Variants in CNTN4 observed in about 807,000 individuals in gnomAD.
CNTN4 encodes contactin 4, also known as contactin-4.
A neutral mutation model predicts 122.5 loss-of-function variants in CNTN4; 77 were observed. That is an observed-to-expected ratio of 0.63 (90% CI 0.52 to 0.76). The LOEUF (loss-of-function observed/expected upper bound fraction) is 0.76, where lower values mean the gene tolerates loss of function less well. Ranked by LOEUF, CNTN4 falls within the 30% of genes least tolerant of loss-of-function variation. The pLI is 0.00. For synonymous variants in CNTN4, 512 were observed against 447.0 expected (o/e 1.15, Z -1.83); for missense variants, 1,256 against 1,259.1 (o/e 1.00, Z 0.04).
At chr3:2,929,069 T>C (rs1286848265) in intron 13 of CNTN4, among the ~76,000 whole-genome samples, 1 of 152,244 alleles carries the variant, frequency 6.6e-6, no homozygotes, top group Non-Finnish European at 1.5e-5. Flanking sequence ...GTCAAGTAAT[T>C]TCATAGCATT....
intron 6 of CNTN4, among the ~76,000 whole-genome samples, chr3:2,769,322 G>A (rs527927362): frequency 6.6e-6 from 1 of 151,896 alleles, no homozygotes; most frequent in Non-Finnish European, 1.5e-5. Context: ...ACAATTAGTC[G>A]GGCGTGGTGG....
At chr3:2,881,126 A>T (rs2093904202) in intron 8 of CNTN4, among the ~76,000 whole-genome samples, 1 of 152,230 alleles carries the variant, frequency 6.6e-6, no homozygotes, top group Admixed American at 6.5e-5. Flanking sequence ...AGTTAGCTAG[A>T]CTGTAAGTCA....
At chr3:2,137,611 T>C (rs2034759686) in intron 2 of CNTN4, among the ~76,000 whole-genome samples, 1 of 152,208 alleles carries the variant, frequency 6.6e-6, no homozygotes, top group Non-Finnish European at 1.5e-5. Context: ...TTGGAAAGTT[T>C]ATGAACCTTG....
chr3:2,443,271 T>C (rs1366720840), intron 3 of CNTN4, among the ~76,000 whole-genome samples: 1 of 152,144 alleles, frequency 6.6e-6, no homozygotes, highest in Non-Finnish European at 1.5e-5. Context: ...ACATAATTGA[T>C]GAGTTGGTTC....
At chr3:2,567,509 A>G (rs929640419) in intron 3 of CNTN4, among the ~76,000 whole-genome samples, 1 of 152,166 alleles carries the variant, frequency 6.6e-6, no homozygotes, top group Non-Finnish European at 1.5e-5. Flanking sequence ...GCTGTCTTTA[A>G]CAAAGATAGC....
intron 4 of CNTN4, among the ~76,000 whole-genome samples, chr3:2,588,653 C>T (rs1025953080): frequency 6.6e-6 from 1 of 152,064 alleles, no homozygotes; most frequent in African/African-American, 2.4e-5. Context: ...GTGTGAGCCA[C>T]CACGCCTGGC....
Position 2,259,901 on chromosome 3 carries a change from C to T in CNTN4, c.-144-79277C>T, listed in dbSNP as rs566635269. 4.7e-5 allele frequency among the ~76,000 whole-genome samples: 7 copies of T among 150,498 alleles called. No homozygotes were observed. The South Asian group carries it at 1.5e-3, about 31-fold the overall frequency. The stretch of plus-strand genomic sequence containing the variant: ...TATTGTGGGAAGAGCAGATAGTTCT[C>T]CCCATTCCCACTCTTCTTTGTTGTG... On this transcript the variant is annotated intron_variant, in intron 2 of 24. Coordinates refer to ENST00000418658, the MANE Select transcript of CNTN4 (RefSeq NM_175607.3).
At chr3:2,351,247 T>C (rs879720465) in intron 3 of CNTN4, among the ~76,000 whole-genome samples, 2 of 152,070 alleles carry the variant, frequency 1.3e-5, no homozygotes, top group Non-Finnish European at 2.9e-5. Context: ...AGTGAACTCA[T>C]AGAACACCAT....
At chr3:2,935,918 A>T (rs562180140) in intron 13 of CNTN4, among the ~76,000 whole-genome samples, 2 of 152,300 alleles carry the variant, frequency 1.3e-5, no homozygotes, top group African/African-American at 4.8e-5. Context: ...ATTGAGGAGA[A>T]GGTGGTGGTA....
chr3:2,308,834 A>G (rs1469247744), intron 2 of CNTN4, among the ~76,000 whole-genome samples: 1 of 152,042 alleles, frequency 6.6e-6, no homozygotes, highest in African/African-American at 2.4e-5. Context: ...ATATTTCAAT[A>G]TCTCTAAAAT....
Position 3,034,641 on chromosome 3 carries a change from G to T in CNTN4, c.1793G>T (p.Gly598Val), listed in dbSNP as rs1699443263. ...AADLIVRGPPGPPEAVTIDEI... is the reference protein window; with the variant it reads ...AADLIVRGPPVPPEAVTIDEI... ...TCTTGCTCTTTCCCAGGTCCTCCAG[G>T]TCCCCCAGAGGCTGTGACAATAGAC... The change falls in exon 17 of 25, where the codon GGT becomes GTT. Residue 598 changes from glycine to valine, a missense_variant. Coordinates refer to ENST00000418658, the MANE Select transcript of CNTN4 (RefSeq NM_175607.3). 1 of 1,614,036 alleles carries T rather than the reference G, an allele frequency of 6.2e-7. No individual in the cohort carries two copies. Among genetic ancestry groups the T allele is most frequent in the South Asian group, 1.1e-5 (1 of 91,064 alleles).
intron 2 of CNTN4, among the ~76,000 whole-genome samples, chr3:2,159,031 G>T (rs972078099): frequency 6.6e-6 from 1 of 152,000 alleles, no homozygotes. Context: ...TTGGAATCCC[G>T]AGAGGCAGCG....
intron 4 of CNTN4, among the ~76,000 whole-genome samples, chr3:2,717,051 T>C (rs547357571): frequency 2.6e-5 from 4 of 152,342 alleles, no homozygotes; most frequent in South Asian, 2.1e-4. Context: ...CTTTTGGCTA[T>C]TATTAATAAT....
chr3:2,937,787 A>G (rs1499137), intron 13 of CNTN4, among the ~76,000 whole-genome samples: 105,297 of 152,046 alleles, frequency 0.69, 36,722 homozygotes, highest in Middle Eastern at 0.85. Flanking sequence ...GCCAAAATCG[A>G]CTTCCAACAG....
intron 4 of CNTN4, among the ~76,000 whole-genome samples, chr3:2,594,546 G>T (rs1263756041): frequency 2.6e-5 from 4 of 151,444 alleles, no homozygotes; most frequent in Non-Finnish European, 5.9e-5. Flanking sequence ...AGCCTCCCGA[G>T]TAGCTGGGTT....
chr3:2,742,434 G>A (rs1368658269), intron 5 of CNTN4, among the ~76,000 whole-genome samples: 1 of 152,158 alleles, frequency 6.6e-6, no homozygotes, highest in Non-Finnish European at 1.5e-5. Context: ...TCACTTGGTC[G>A]GAGTACTTTT....
chr3:3,037,363 G>A lies in CNTN4; in HGVS notation c.2092+35G>A, dbSNP rs774953734. The A allele has an allele frequency of 1.2e-5, 20 of 1,613,774 alleles. No homozygotes were observed. In the South Asian group the frequency reaches 2.2e-4, roughly 18 times the overall value. On this transcript the variant is annotated intron_variant, in intron 18 of 24. Transcript: ENST00000418658. ...ACCCGAGATTCAGATCATCTGTTCT[G>A]CCAGCTGCTGTTCCTTAGGAAAAGC...
intron 2 of CNTN4, among the ~76,000 whole-genome samples, chr3:2,189,122 G>A (rs2037405220): frequency 6.6e-6 from 1 of 151,958 alleles, no homozygotes; most frequent in African/African-American, 2.4e-5. Context: ...TTTATTTTCT[G>A]AAATCTGAAA....
chr3:2,822,074 C>G (rs1433870493), intron 7 of CNTN4, among the ~76,000 whole-genome samples: 1 of 152,150 alleles, frequency 6.6e-6, no homozygotes, highest in East Asian at 1.9e-4. Context: ...CCCTCTATGT[C>G]TGGATCAGGG....
Sources: allele counts gnomAD v4.1 joint callset (sites outside exome capture counted in the v4.1 genomes callset), GRCh38; gene constraint gnomAD v4.1.1; transcripts MANE v1.5; gene names NCBI Gene and HGNC (gene_info 2026-07-23, HGNC 2026-07-21).